The following DOCK10 variants were observed in gnomAD, a reference collection of about 807,000 sequenced individuals.
The protein encoded by DOCK10 is dedicator of cytokinesis protein 10.
In DOCK10, 145 loss-of-function variants were observed where a neutral mutation model predicts 280.1. That is an observed-to-expected ratio of 0.52 (90% CI 0.45 to 0.59). The LOEUF (loss-of-function observed/expected upper bound fraction) is 0.59. Ranked by LOEUF, DOCK10 falls within the 20% of genes least tolerant of loss-of-function variation. DOCK10 has a pLI of 0.00. For missense variants in DOCK10, 2,368 were observed against 2,651.7 expected (o/e 0.89, Z 2.35); for synonymous variants, 915 against 942.2 (o/e 0.97, Z 0.53).
rs1700177223 is a variant in DOCK10 at position 224,899,603 on chromosome 2, G to C, written c.334-3226C>G. 7.2e-5 allele frequency among the ~76,000 whole-genome samples: 11 copies of C among 152,270 alleles called. No individual in the cohort carries two copies. In the South Asian group the frequency reaches 2.3e-3, roughly 32 times the overall value. ...TAATTTATATAGGCTGGTTAGCATG[G>C]AGCTCACAAGAAAGGTGAGACTTGA... On this transcript the variant is annotated intron_variant, in intron 3 of 55. Transcript: ENST00000258390.
intron 1 of DOCK10, among the ~76,000 whole-genome samples, chr2:225,020,258 T>C (rs1689750349): frequency 6.6e-6 from 1 of 152,158 alleles, no homozygotes. Flanking sequence ...TATAACTGTA[T>C]GTCCTTGACA....
chr2:224,968,888 G>A (rs1009759589), intron 1 of DOCK10, among the ~76,000 whole-genome samples: 4 of 152,182 alleles, frequency 2.6e-5, no homozygotes, highest in African/African-American at 9.7e-5. Context: ...TTAACTGACT[G>A]TAACTCAAAC....
At chr2:224,888,931 T>C (rs1699496079) in intron 4 of DOCK10, among the ~76,000 whole-genome samples, 1 of 152,088 alleles carries the variant, frequency 6.6e-6, no homozygotes, top group South Asian at 2.1e-4. Context: ...CCTTAAAAAG[T>C]AGGGATTCTG....
chr2:225,038,268 C>T (rs939242884), intron 1 of DOCK10, among the ~76,000 whole-genome samples: 16 of 105,636 alleles, frequency 1.5e-4, no homozygotes, highest in South Asian at 3.6e-4. Flanking sequence ...CAGTATCCCC[C>T]ACTCAATTAA....
intron 22 of DOCK10, among the ~76,000 whole-genome samples, chr2:224,844,416 CACCGG>C (rs913522929): frequency 6.6e-6 from 1 of 152,186 alleles, no homozygotes; most frequent in African/African-American, 2.4e-5. Flanking sequence ...AGGAGTGAGC[CACCGG>C]GCCTGGCCTT....
In DOCK10 at chr2:224,775,067, A is replaced by G; in HGVS notation, c.5851T>C (p.Tyr1951His). 1 of 1,614,032 alleles carries G rather than the reference A, an allele frequency of 6.2e-7. No homozygotes were observed. The highest frequency in any genetic ancestry group is 8.5e-7 in the Non-Finnish European group (1 of 1,179,882). The change falls in exon 52 of 56, where the codon TAT becomes CAT. Residue 1951 changes from tyrosine to histidine, a missense_variant. Around this residue, in one of 2 missense-constraint regions of DOCK10, gnomAD observed 1,159 missense variants for 1,400.8 expected, o/e 0.83. Transcript: ENST00000258390. ...TTTTCCTCAAAGAACGGCGTCACAT[A>G]GGTCACCTGGATGTAGGCATATTTG... Reference protein sequence around the residue: ...DPKYAYIQVTYVTPFFEEKEI... With the variant: ...DPKYAYIQVTHVTPFFEEKEI...
chr2:224,796,903 G>T, intron 43 of DOCK10, 61 bp downstream of exon 43: 1 of 1,491,378 alleles, frequency 6.7e-7, no homozygotes, highest in Non-Finnish European at 9.2e-7. Flanking sequence ...TAGGCTTTAA[G>T]CACTGCTGAA....
chr2:224,811,586 C>T (rs1392831263), intron 31 of DOCK10, among the ~76,000 whole-genome samples: 1 of 152,174 alleles, frequency 6.6e-6, no homozygotes, highest in Non-Finnish European at 1.5e-5. Flanking sequence ...ATGGTAATGC[C>T]TAGGTTTTCT....
chr2:224,856,750 G>T, intron 15 of DOCK10, 110 bp downstream of exon 15: 1 of 1,030,908 alleles, frequency 9.7e-7, no homozygotes, highest in Non-Finnish European at 1.3e-6. Flanking sequence ...AAAAATATCT[G>T]CTTTCTGGAG....
chr2:224,926,051 A>G (rs16866349), intron 2 of DOCK10, among the ~76,000 whole-genome samples: 2,210 of 152,330 alleles, frequency 0.015, 55 homozygotes, highest in African/African-American at 0.05. Flanking sequence ...GAAAAAAAGT[A>G]GCAAATACAA....
At chr2:224,826,234 T>C (rs1404120594) in intron 27 of DOCK10, among the ~76,000 whole-genome samples, 5 of 152,086 alleles carry the variant, frequency 3.3e-5, no homozygotes, top group African/African-American at 1.2e-4. Context: ...CAGCTAACTT[T>C]TGTATTTTTA....
intron 1 of DOCK10, among the ~76,000 whole-genome samples, chr2:224,989,474 T>A (rs544722926): frequency 9.2e-5 from 14 of 152,264 alleles, no homozygotes; most frequent in Non-Finnish European, 1.3e-4. Flanking sequence ...CATGTTGGAC[T>A]TTTTTTGTAA....
chr2:224,835,088 G>T (rs148004680), intron 25 of DOCK10, among the ~76,000 whole-genome samples: 52 of 152,302 alleles, frequency 3.4e-4, no homozygotes, highest in African/African-American at 1.3e-3. Context: ...ATCTGTAACT[G>T]TTTCTTTAAA....
At chr2:224,882,233 T>A (rs547205214) in intron 7 of DOCK10, among the ~76,000 whole-genome samples, 37 of 152,314 alleles carry the variant, frequency 2.4e-4, no homozygotes, top group African/African-American at 8.7e-4. Context: ...AATGAATACA[T>A]GAACTGAAGG....
intron 3 of DOCK10, among the ~76,000 whole-genome samples, chr2:224,900,559 C>G (rs1203785805): frequency 6.6e-6 from 1 of 152,140 alleles, no homozygotes; most frequent in Non-Finnish European, 1.5e-5. Flanking sequence ...ACATTTGGAC[C>G]ATCATTCTGG....
At chr2:224,839,070 G>A (rs1695777221) in intron 24 of DOCK10, among the ~76,000 whole-genome samples, 1 of 147,586 alleles carries the variant, frequency 6.8e-6, no homozygotes, top group South Asian at 2.1e-4. Context: ...ACCTCTACAT[G>A]AATGTTCATA....
intron 1 of DOCK10, among the ~76,000 whole-genome samples, chr2:224,965,997 A>G (rs533696158): frequency 1.3e-5 from 2 of 152,352 alleles, no homozygotes; most frequent in African/African-American, 2.4e-5. Flanking sequence ...GGAAATTGGA[A>G]TGTATTATTA....
At chr2:224,780,697 T>C (rs1691265702) in intron 50 of DOCK10, among the ~76,000 whole-genome samples, 1 of 151,858 alleles carries the variant, frequency 6.6e-6, no homozygotes, top group Non-Finnish European at 1.5e-5. Flanking sequence ...GTACAAGAGA[T>C]CGAGACCATC....
In DOCK10 at chr2:225,042,463, G is replaced by C. The variant is rs564773163; in HGVS notation, c.-89C>G. On this transcript the variant is annotated 5_prime_UTR_variant, in exon 1 of 56. Transcript: ENST00000258390. The surrounding 1 kb of genome is among the most constrained non-coding windows in gnomAD (Gnocchi z 5.1). The stretch of plus-strand genomic sequence containing the variant: ...ACCTTCTCTATCCACCCGCCGTTCA[G>C]GAAGCGGAACTCGGAGCCTTCCCCC... 1.9e-5 allele frequency: 23 copies of C among 1,216,122 alleles called. 1 individual carries two copies. The South Asian group carries it at 9.2e-4, about 49-fold the overall frequency. 75.3% of individuals were successfully genotyped at this position (1,216,122 alleles called of 1,614,324 possible). A position where few individuals can be genotyped will look rare whatever the true frequency, so the allele number is the denominator to read the frequency against.
Sources: gnomAD v4.1 joint callset for allele counts (sites outside exome capture counted in the v4.1 genomes callset) on GRCh38, gnomAD v4.1.1 for gene constraint, gnomAD v4.1.1 regional missense constraint, Gnocchi (gnomAD v3.1) non-coding constraint, MANE v1.5 for transcripts, NCBI Gene and HGNC (gene_info 2026-07-23, HGNC 2026-07-21) for gene names.